VEPH1: variants seen among roughly 807,000 people sequenced by gnomAD.
VEPH1 encodes ventricular zone-expressed PH domain-containing protein homolog 1.
Under a neutral mutation model 85.2 loss-of-function variants are expected in VEPH1, and 80 were observed. That is an observed-to-expected ratio of 0.94 (90% CI 0.78 to 1.13). VEPH1 has a LOEUF of 1.13. Ranked by LOEUF, VEPH1 falls within the 50% of genes most tolerant of loss-of-function variation. VEPH1 has a pLI of 0.00. For missense variants in VEPH1, 955 were observed against 980.5 expected (o/e 0.97, Z 0.35); for synonymous variants, 297 against 348.0 (o/e 0.85, Z 1.63).
chr3:157,318,632 A>ACAAAACAG (rs1485244835), intron 9 of VEPH1, among the ~76,000 whole-genome samples: 28 of 128,512 alleles, frequency 2.2e-4, no homozygotes, highest in Non-Finnish European at 4.4e-4. Flanking sequence ...AACAAAAAAA[A>ACAAAACAG]AAAGAAAGAA....
At chr3:157,496,227 G>A (rs141449420) in intron 1 of VEPH1, among the ~76,000 whole-genome samples, 1 of 152,324 alleles carries the variant, frequency 6.6e-6, no homozygotes, top group East Asian at 1.9e-4. Flanking sequence ...CTCTATTCCA[G>A]TTGAAGTAAT....
At chr3:157,264,806 A>G (rs1713403204) in intron 13 of VEPH1, among the ~76,000 whole-genome samples, 1 of 152,196 alleles carries the variant, frequency 6.6e-6, no homozygotes, top group Admixed American at 6.5e-5. Flanking sequence ...GCCAAGAAGT[A>G]GGTCAAGATT....
At chr3:157,482,686 T>C (rs2109616698) in intron 2 of VEPH1, among the ~76,000 whole-genome samples, 1 of 152,344 alleles carries the variant, frequency 6.6e-6, no homozygotes, top group African/African-American at 2.4e-5. Flanking sequence ...GCTGTAGTTG[T>C]CCTTGTAGAG....
chr3:157,487,567 A>G (rs1476737819), intron 2 of VEPH1, among the ~76,000 whole-genome samples: 1 of 152,148 alleles, frequency 6.6e-6, no homozygotes, highest in Admixed American at 6.6e-5. Context: ...AACTCATTTT[A>G]TGAAACTACT....
chr3:157,432,516 C>T (rs570994194), intron 4 of VEPH1, among the ~76,000 whole-genome samples: 2 of 152,104 alleles, frequency 1.3e-5, no homozygotes, highest in East Asian at 3.9e-4. Context: ...ATATGTTTTT[C>T]TTTGTATACA....
At chr3:157,387,545 T>G (rs561763523) in intron 6 of VEPH1, among the ~76,000 whole-genome samples, 15 of 152,344 alleles carry the variant, frequency 9.8e-5, no homozygotes, top group African/African-American at 3.6e-4. Flanking sequence ...TCCACATCAC[T>G]AGGGCTGATA....
chr3:157,378,666 C>T (rs771423726), intron 7 of VEPH1, among the ~76,000 whole-genome samples: 68 of 152,116 alleles, frequency 4.5e-4, no homozygotes, highest in Non-Finnish European at 8.4e-4. Flanking sequence ...AGGAATTTAC[C>T]GACTCTACCT....
intron 9 of VEPH1, among the ~76,000 whole-genome samples, chr3:157,329,244 C>A (rs1722249045): frequency 6.6e-6 from 1 of 152,134 alleles, no homozygotes; most frequent in Non-Finnish European, 1.5e-5. Flanking sequence ...ACATTCCCAT[C>A]CATGCCCAAA....
chr3:157,378,462 C>T (rs1728407957), intron 7 of VEPH1, among the ~76,000 whole-genome samples: 1 of 151,114 alleles, frequency 6.6e-6, no homozygotes, highest in Non-Finnish European at 1.5e-5. Flanking sequence ...CTTCTTCTAT[C>T]ATCTAGTGGG....
At chr3:157,488,288 C>A (rs1298485628) in intron 2 of VEPH1, among the ~76,000 whole-genome samples, 1 of 152,084 alleles carries the variant, frequency 6.6e-6, no homozygotes, top group African/African-American at 2.4e-5. Context: ...CTGAAACTAA[C>A]TCCAATCTGG....
intron 6 of VEPH1, among the ~76,000 whole-genome samples, chr3:157,405,859 G>A (rs569984645): frequency 2.7e-4 from 41 of 152,250 alleles, no homozygotes; most frequent in Admixed American, 7.8e-4. Context: ...CTCTAGGGCA[G>A]GGACCATGTC....
chr3:157,314,464 T>A lies in VEPH1; in HGVS notation c.1876-709A>T, dbSNP rs547299187. 2.0e-5 allele frequency among the ~76,000 whole-genome samples: 3 copies of A among 151,980 alleles called. No individual in the cohort carries two copies. In the South Asian group the frequency reaches 6.2e-4, roughly 32 times the overall value. On this transcript the variant is annotated intron_variant, in intron 10 of 13. Transcript: ENST00000362010. The stretch of plus-strand genomic sequence containing the variant: ...GTATTTTCAAGGCAGTTGATAATGA[T>A]CTCCATAAATATGCCTAACCTTTGT...
At chr3:157,477,190 A>AT (rs35842236) in intron 2 of VEPH1, among the ~76,000 whole-genome samples, 29,551 of 143,034 alleles carry the variant, frequency 0.21, 3,228 homozygotes, top group Non-Finnish European at 0.27. Flanking sequence ...CTCTGAGGGC[A>AT]TTTTTTTTTT....
chr3:157,483,412 C>T (rs1738317411), intron 2 of VEPH1, among the ~76,000 whole-genome samples: 1 of 151,892 alleles, frequency 6.6e-6, no homozygotes, highest in African/African-American at 2.4e-5. Context: ...GCAATATGAG[C>T]ACATGTAAGC....
intron 11 of VEPH1, among the ~76,000 whole-genome samples, chr3:157,309,672 A>G (rs1302596506): frequency 6.6e-6 from 1 of 152,042 alleles, no homozygotes; most frequent in Admixed American, 6.5e-5. Context: ...TATATTAAAA[A>G]TATTTTAGCA....
At chr3:157,409,236 T>G (rs979652868) in intron 6 of VEPH1, among the ~76,000 whole-genome samples, 1 of 152,124 alleles carries the variant, frequency 6.6e-6, no homozygotes, top group South Asian at 2.1e-4. Context: ...ACCTTCTCAT[T>G]TGAGAAAGAC....
chr3:157,269,241 C>T (rs1254543327), intron 12 of VEPH1, among the ~76,000 whole-genome samples: 2 of 152,062 alleles, frequency 1.3e-5, no homozygotes, highest in Non-Finnish European at 2.9e-5. Context: ...GAACACTGGG[C>T]AAAATTGTTG....
intron 11 of VEPH1, among the ~76,000 whole-genome samples, chr3:157,290,029 TACACAAACAC>T (rs1196608248): frequency 1.3e-3 from 147 of 114,948 alleles, no homozygotes; most frequent in African/African-American, 2.4e-3. Flanking sequence ...GTTGTTATTA[TACACAAACAC>T]ACACACACAC....
At chr3:157,299,768 T>A (rs1305596345) in intron 11 of VEPH1, among the ~76,000 whole-genome samples, 2 of 152,122 alleles carry the variant, frequency 1.3e-5, no homozygotes, top group Admixed American at 1.3e-4. Flanking sequence ...TTTGTTGTTG[T>A]TGATGTCTTT....
Sources: gnomAD v4.1 joint callset for allele counts (sites outside exome capture counted in the v4.1 genomes callset) on GRCh38, gnomAD v4.1.1 for gene constraint, MANE v1.5 for transcripts, NCBI Gene and HGNC (gene_info 2026-07-23, HGNC 2026-07-21) for gene names.